Variants in PIGK observed in about 807,000 individuals in gnomAD.
PIGK encodes GPI-anchor transamidase.
Under a neutral mutation model 50.6 loss-of-function variants are expected in PIGK, and 42 were observed. The ratio of observed to expected loss-of-function variants is 0.83; its 90% CI spans 0.65 to 1.07. The LOEUF is 1.07. Ranked by LOEUF, PIGK falls within the 50% of genes least tolerant of loss-of-function variation. The pLI is 0.00. For missense variants in PIGK, 448 were observed against 488.7 expected (o/e 0.92, Z 0.78); for synonymous variants, 151 against 156.0 (o/e 0.97, Z 0.24).
chr1:77,161,500 GA>G, intron 7 of PIGK, 93 bp downstream of exon 7: 1 of 946,470 alleles, frequency 1.1e-6, no homozygotes, highest in Non-Finnish European at 1.7e-6. Flanking sequence ...ATTAGTCTAA[GA>G]AAGAACAGAT....
At chr1:77,184,279 G>C (rs1432121470) in intron 3 of PIGK, among the ~76,000 whole-genome samples, 1 of 151,968 alleles carries the variant, frequency 6.6e-6, no homozygotes, top group Non-Finnish European at 1.5e-5. Context: ...AGAAAACTTC[G>C]AGGTCAAATG....
At chr1:77,119,332 G>T (rs542486489) in intron 10 of PIGK, among the ~76,000 whole-genome samples, 17 of 152,190 alleles carry the variant, frequency 1.1e-4, no homozygotes, top group African/African-American at 3.6e-4. Flanking sequence ...TTATTATACA[G>T]GTCTATGGTT....
chr1:77,211,627 T>A (rs999332504), intron 1 of PIGK, among the ~76,000 whole-genome samples: 1 of 152,038 alleles, frequency 6.6e-6, no homozygotes, highest in Admixed American at 6.6e-5. Flanking sequence ...TTATCACTCT[T>A]TGAACTTCTC....
chr1:77,190,571 G>A (rs1303354778), intron 3 of PIGK, among the ~76,000 whole-genome samples: 1 of 152,110 alleles, frequency 6.6e-6, no homozygotes, highest in Admixed American at 6.6e-5. Context: ...AAACCATCCA[G>A]AGACCTGAGT....
At chr1:77,145,434 A>G (rs1654747450) in intron 9 of PIGK, among the ~76,000 whole-genome samples, 1 of 152,120 alleles carries the variant, frequency 6.6e-6, no homozygotes, top group African/African-American at 2.4e-5. Context: ...TCTGCATTTG[A>G]GCAACAAACA....
At chr1:77,108,202 T>G (rs2100516764) in intron 10 of PIGK, among the ~76,000 whole-genome samples, 1 of 152,342 alleles carries the variant, frequency 6.6e-6, no homozygotes, top group Middle Eastern at 3.4e-3. Flanking sequence ...CTTTATAATT[T>G]CGCATGTTTT....
chr1:77,109,567 T>C (rs1653788662), intron 10 of PIGK, among the ~76,000 whole-genome samples: 1 of 152,194 alleles, frequency 6.6e-6, no homozygotes, highest in Non-Finnish European at 1.5e-5. Flanking sequence ...CCACACTTCA[T>C]GCTAAAAACT....
At chr1:77,205,432 G>T (rs913170962) in intron 3 of PIGK, among the ~76,000 whole-genome samples, 4 of 151,270 alleles carry the variant, frequency 2.6e-5, no homozygotes, top group African/African-American at 7.3e-5. Context: ...AGTTTTGTCA[G>T]TTACTCAGAC....
intron 3 of PIGK, among the ~76,000 whole-genome samples, chr1:77,180,352 C>T (rs1303793171): frequency 1.3e-5 from 2 of 151,538 alleles, no homozygotes; most frequent in Non-Finnish European, 2.9e-5. Flanking sequence ...TAAATAGATT[C>T]CACATTTTCA....
intron 8 of PIGK, among the ~76,000 whole-genome samples, chr1:77,155,394 A>C (rs1397416299): frequency 6.6e-6 from 1 of 152,200 alleles, no homozygotes; most frequent in Non-Finnish European, 1.5e-5. Flanking sequence ...AAGCATATAA[A>C]GTGTCTATTA....
intron 3 of PIGK, among the ~76,000 whole-genome samples, chr1:77,178,347 G>C (rs898157140): frequency 6.6e-6 from 1 of 152,136 alleles, no homozygotes; most frequent in Non-Finnish European, 1.5e-5. Context: ...CCATGGTTTG[G>C]AGTAAAAACG....
chr1:77,153,091 T>C (rs1308940544), intron 9 of PIGK, among the ~76,000 whole-genome samples: 1 of 152,118 alleles, frequency 6.6e-6, no homozygotes, highest in Non-Finnish European at 1.5e-5. Context: ...GTATTCACAA[T>C]AGCCAAGGTA....
intron 3 of PIGK, among the ~76,000 whole-genome samples, chr1:77,205,468 T>G (rs897679120): frequency 2.6e-5 from 4 of 151,800 alleles, no homozygotes; most frequent in Non-Finnish European, 1.5e-5. Flanking sequence ...ACAAAGACTG[T>G]AATATAACTT....
chr1:77,137,984 C>T (rs1654560744), intron 9 of PIGK, among the ~76,000 whole-genome samples: 1 of 152,130 alleles, frequency 6.6e-6, no homozygotes, highest in African/African-American at 2.4e-5. Flanking sequence ...TCTTGTAGGT[C>T]TAATTCTCCT....
At position 77,219,341 on chromosome 1, in the gene PIGK, G is replaced by A. The variant is rs1290560297; in HGVS notation, c.62C>T (p.Ser21Phe). ...ATVLATVLLL[S>F]FGSVAASHIE... The stretch of plus-strand genomic sequence containing the variant: ...ATGACTAGCGGCCACGCTGCCGAAG[G>A]ACAAGAGCAACACAGTTGCCAAGAC... Residue 21 changes from serine (S) to phenylalanine (F), a missense_variant, in exon 1 of 11, where the codon TCC becomes TTC. Coordinates refer to ENST00000370812, the MANE Select transcript of PIGK (RefSeq NM_005482.3). 1.9e-6 allele frequency: 3 copies of A among 1,613,682 alleles called. No homozygotes were observed. In the African/African-American group the frequency reaches 4.0e-5, roughly 22 times the overall value.
intron 3 of PIGK, among the ~76,000 whole-genome samples, chr1:77,194,451 C>G (rs886725518): frequency 2.0e-4 from 30 of 152,132 alleles, no homozygotes; most frequent in African/African-American, 7.0e-4. Flanking sequence ...AAATACTACA[C>G]AGCCATAAAA....
intron 3 of PIGK, among the ~76,000 whole-genome samples, chr1:77,190,408 A>AG (rs1314085529): frequency 2.0e-5 from 3 of 152,278 alleles, no homozygotes; most frequent in Non-Finnish European, 4.4e-5. Flanking sequence ...CTCAAAAAAA[A>AG]GAAAAAGAAA....
intron 3 of PIGK, among the ~76,000 whole-genome samples, chr1:77,172,068 TA>T (rs1655375285): frequency 7.4e-6 from 1 of 134,792 alleles, no homozygotes; most frequent in African/African-American, 2.8e-5. Flanking sequence ...GTTCTACATT[TA>T]ATTTTTTTTT....
intron 8 of PIGK, 120 bp downstream of exon 8, chr1:77,161,175 T>A: frequency 1.6e-6 from 1 of 637,292 alleles, no homozygotes; most frequent in African/African-American, 1.8e-5. Flanking sequence ...TCAAATAGTT[T>A]TAAAAGCTAT....
Sources: allele counts gnomAD v4.1 joint callset (sites outside exome capture counted in the v4.1 genomes callset), GRCh38; gene constraint gnomAD v4.1.1; transcripts MANE v1.5; gene names NCBI Gene and HGNC (gene_info 2026-07-23, HGNC 2026-07-21).